CD82: variants seen among roughly 807,000 people sequenced by gnomAD.
CD82 encodes the protein CD82 antigen.
CD82 carries 36 observed loss-of-function variants against 37.4 expected under a neutral mutation model. The ratio of observed to expected loss-of-function variants is 0.96; its 90% CI spans 0.74 to 1.27. The LOEUF (loss-of-function observed/expected upper bound fraction) is 1.27, where lower values mean the gene tolerates loss of function less well. Ranked by LOEUF, CD82 falls within the 50% of genes most tolerant of loss-of-function variation. The pLI is 0.00. For synonymous variants in CD82, 158 were observed against 137.4 expected (o/e 1.15, Z -1.05); for missense variants, 340 against 347.0 (o/e 0.98, Z 0.16).
chr11:44,607,143 T>C (rs1027876911), intron 6 of CD82, among the ~76,000 whole-genome samples: 2 of 152,270 alleles, frequency 1.3e-5, no homozygotes, highest in Non-Finnish European at 2.9e-5. Flanking sequence ...TCAAGTTGCC[T>C]GAGATCCCTC....
chr11:44,619,060 G>T lies in CD82; in HGVS notation c.738G>T (p.Met246Ile), dbSNP rs1415304746. ...VGVAIIELLG[M>I]VLSICLCRHV... ...GCCTCTCCCCACAGCTCCTGGGGAT[G>T]GTCCTGTCCATCTGCTTGTGCCGGC... The change falls in exon 10 of 10, where the codon ATG (methionine) becomes ATT (isoleucine). Residue 246 changes from methionine to isoleucine, a missense_variant. By Grantham distance (10) the Met-to-Ile change is conservative. Coordinates refer to ENST00000227155, the MANE Select transcript of CD82 (RefSeq NM_002231.4). The T allele has an allele frequency of 6.2e-7, 1 of 1,612,748 alleles. No individual in the cohort carries two copies. Among genetic ancestry groups the T allele is most frequent in the South Asian group, 1.1e-5 (1 of 91,018 alleles).
intron 1 of CD82, among the ~76,000 whole-genome samples, chr11:44,568,183 G>A (rs140911338): frequency 1.7e-4 from 26 of 152,264 alleles, no homozygotes; most frequent in African/African-American, 5.8e-4. Context: ...AGGATCCAGC[G>A]GTCAAGGGAT....
chr11:44,585,221 A>C (rs1168531575), intron 1 of CD82: 1 of 456,302 alleles, frequency 2.2e-6, no homozygotes, highest in Admixed American at 2.3e-5. Flanking sequence ...AGACTGGATC[A>C]GGCCTCAGAG....
At chr11:44,612,623 A>ATTTTTTTTTTTTTT (rs34301171) in intron 6 of CD82, among the ~76,000 whole-genome samples, 3 of 63,076 alleles carry the variant, frequency 4.8e-5, no homozygotes, top group African/African-American at 2.1e-4. Flanking sequence ...CCCAGCATTA[A>ATTTTTTTTTTTTTT]TTTTTTTTTT....
Position 44,600,178 on chromosome 11 carries a change from G to A in CD82, c.84G>A (p.Leu28=). Residue 28 remains leucine (L), a synonymous_variant, in exon 4 of 10, where the codon CTG becomes CTA. Transcript: ENST00000227155. ...LIFFILGAVI[L]GFGVWILADK... is the part of the protein sequence containing the mutation. ...TCCAGATCCTGGGCGCAGTGATCCT[G>A]GGCTTCGGGGTGTGGATCCTGGCCG... 1 of 1,614,082 alleles carries A rather than the reference G, an allele frequency of 6.2e-7. No homozygotes were observed.
intron 1 of CD82, among the ~76,000 whole-genome samples, chr11:44,575,217 G>A (rs931059504): frequency 6.6e-6 from 1 of 152,204 alleles, no homozygotes; most frequent in Non-Finnish European, 1.5e-5. Context: ...GATGGAGAAA[G>A]GCAGATAGAT....
In CD82 at chr11:44,584,873, A is replaced by G. The variant is rs1325025360; in HGVS notation, c.-102-2602A>G. ...CCCGTGGGTGATCAGGACAAAGTCCAGAGGACCAGAGAGCTGGTGGCCAAG... is the reference window on the plus strand; with the variant it reads ...CCCGTGGGTGATCAGGACAAAGTCCGGAGGACCAGAGAGCTGGTGGCCAAG... On this transcript the variant is annotated intron_variant, in intron 1 of 9. Transcript: ENST00000227155. Among the ~76,000 whole-genome samples, 8 of 152,240 alleles carry G rather than the reference A, an allele frequency of 5.3e-5. No individual in the cohort carries two copies. In the South Asian group the frequency reaches 1.7e-3, roughly 31 times the overall value.
chr11:44,618,570 C>G (rs1853603860), intron 8 of CD82, 70 bp from the exon 9 acceptor site: 2 of 1,356,872 alleles, frequency 1.5e-6, no homozygotes, highest in Admixed American at 1.7e-5. Flanking sequence ...CTGGGGGGCT[C>G]TCGGTGGTTC....
intron 1 of CD82, chr11:44,587,103 A>G (rs1238646743): frequency 2.1e-5 from 6 of 284,328 alleles, no homozygotes; most frequent in African/African-American, 1.3e-4. Context: ...GGCATGGCCT[A>G]TGTTGATTGT....
upstream of CD82, among the ~76,000 whole-genome samples, chr11:44,564,832 C>T (rs372650071): frequency 1.1e-4 from 16 of 152,322 alleles, 1 homozygote; most frequent in Admixed American, 9.1e-4. Context: ...CGCTCACGCC[C>T]GCCTCCATGA....
chr11:44,590,122 C>A (rs775000897), intron 2 of CD82, among the ~76,000 whole-genome samples: 1 of 150,662 alleles, frequency 6.6e-6, no homozygotes, highest in Non-Finnish European at 1.5e-5. Context: ...TGTGAGCCAC[C>A]GCGCCTGGCG....
chr11:44,605,259 C>G (rs984984693), intron 5 of CD82, 77 bp downstream of exon 5: 3 of 1,607,798 alleles, frequency 1.9e-6, no homozygotes, highest in East Asian at 2.2e-5. Flanking sequence ...CGGCGCTGGC[C>G]GTAACATCGG....
chr11:44,583,971 C>T (rs1853017461), intron 1 of CD82, among the ~76,000 whole-genome samples: 1 of 152,152 alleles, frequency 6.6e-6, no homozygotes, highest in African/African-American at 2.4e-5. Flanking sequence ...TCCTTAATCT[C>T]TAAGACAAAC....
chr11:44,616,572 A>G lies in CD82; in HGVS notation c.438+1199A>G, dbSNP rs2134694876. Among the ~76,000 whole-genome samples, 3 of 151,824 alleles carry G rather than the reference A, an allele frequency of 2.0e-5. No individual in the cohort carries two copies. In the Middle Eastern group the frequency reaches 0.01, roughly 516 times the overall value. On this transcript the variant is annotated intron_variant, in intron 7 of 9. Coordinates refer to ENST00000227155, the MANE Select transcript of CD82 (RefSeq NM_002231.4). ...GCTGCTTAGGCCGGTGGTAAGTCAGACTCCCAAGGCCTGGAGTGCTAACAC... is the reference window on the plus strand; with the variant it reads ...GCTGCTTAGGCCGGTGGTAAGTCAGGCTCCCAAGGCCTGGAGTGCTAACAC...
At chr11:44,576,171 T>C (rs138978158) in intron 1 of CD82, among the ~76,000 whole-genome samples, 2 of 152,268 alleles carry the variant, frequency 1.3e-5, no homozygotes, top group African/African-American at 4.8e-5. Context: ...TCTGGGCAGG[T>C]TTTCTAGGAA....
intron 1 of CD82, among the ~76,000 whole-genome samples, chr11:44,576,189 A>G (rs969775500): frequency 1.3e-5 from 2 of 152,196 alleles, no homozygotes; most frequent in Admixed American, 1.3e-4. Context: ...GAAGCCAGGA[A>G]CTTTCTCCTG....
chr11:44,618,602 G>A (rs1391756772), intron 8 of CD82, 38 bp from the exon 9 acceptor site: 9 of 1,547,024 alleles, frequency 5.8e-6, no homozygotes, highest in Middle Eastern at 1.7e-4. Flanking sequence ...GTGGGATGGT[G>A]CAGAGCGGGG....
chr11:44,595,711 A>AGG (rs1853213630), intron 3 of CD82, among the ~76,000 whole-genome samples: 1 of 151,952 alleles, frequency 6.6e-6, no homozygotes, highest in South Asian at 2.1e-4. Flanking sequence ...TTTGGGGAAC[A>AGG]GGGGGTTTAC....
Position 44,615,350 on chromosome 11 carries a change from G to T in CD82, c.415G>T (p.Ala139Ser). 6.2e-7 allele frequency: 1 copy of T among 1,612,870 alleles called. No individual in the cohort carries two copies. Among genetic ancestry groups the T allele is most frequent in the South Asian group, 1.1e-5 (1 of 91,068 alleles). Residue 139 changes from alanine to serine, a missense_variant, in exon 7 of 10, where the codon GCC becomes TCC. Ala to Ser is a moderately conservative substitution (Grantham distance 99). Coordinates refer to ENST00000227155, the MANE Select transcript of CD82 (RefSeq NM_002231.4). ...NSSREDSLQD[A>S]WDYVQAQVKC... ...CAGTCGCGAGGACAGCCTGCAGGAT[G>T]CCTGGGACTACGTGCAGGCTCAGGT...
Sources: allele counts gnomAD v4.1 joint callset (sites outside exome capture counted in the v4.1 genomes callset), GRCh38; gene constraint gnomAD v4.1.1; transcripts MANE v1.5; gene names NCBI Gene and HGNC (gene_info 2026-07-23, HGNC 2026-07-21).